The following MARCHF1 variants were observed in gnomAD, a reference collection of about 807,000 sequenced individuals.
The protein encoded by MARCHF1 is E3 ubiquitin-protein ligase MARCHF1.
Under a neutral mutation model 54.2 loss-of-function variants are expected in MARCHF1, and 40 were observed. The observed-to-expected ratio is 0.74, with a 90% CI of 0.57 to 0.96. The LOEUF (loss-of-function observed/expected upper bound fraction) is 0.96, where lower values mean the gene tolerates loss of function less well. Ranked by LOEUF, MARCHF1 falls within the 40% of genes least tolerant of loss-of-function variation. The pLI, the probability that MARCHF1 is intolerant of heterozygous loss-of-function variation, is 0.00. For synonymous variants in MARCHF1, 236 were observed against 236.3 expected (o/e 1.00, Z 0.01); for missense variants, 586 against 656.5 (o/e 0.89, Z 1.17).
At chr4:163,720,551 C>T (rs1490193225) in intron 4 of MARCHF1, among the ~76,000 whole-genome samples, 1 of 152,064 alleles carries the variant, frequency 6.6e-6, no homozygotes, top group Non-Finnish European at 1.5e-5. Context: ...GTAGTTTTTT[C>T]CAATTCTGTG....
At chr4:163,787,380 T>TAAAAAAAAAAACCGATTAA (rs535768043) in intron 4 of MARCHF1, among the ~76,000 whole-genome samples, 1 of 144,998 alleles carries the variant, frequency 6.9e-6, no homozygotes, top group Non-Finnish European at 1.5e-5. Context: ...AACTCAACAA[T>TAAAAAAAAAAACCGATTAA]AAAAAAAAAA....
chr4:163,757,138 T>G (rs1228657762), intron 4 of MARCHF1, among the ~76,000 whole-genome samples: 1 of 152,228 alleles, frequency 6.6e-6, no homozygotes, highest in Non-Finnish European at 1.5e-5. Context: ...CAAAGTTTAG[T>G]CCCTGGGGAG....
intron 4 of MARCHF1, among the ~76,000 whole-genome samples, chr4:163,754,583 G>C (rs1284646757): frequency 6.6e-6 from 1 of 152,158 alleles, no homozygotes; most frequent in Admixed American, 6.5e-5. Context: ...TTGCATTCTA[G>C]AGATTTGTTG....
chr4:164,374,257 A>C (rs1324034506), intron 1 of MARCHF1, among the ~76,000 whole-genome samples: 3 of 152,058 alleles, frequency 2.0e-5, no homozygotes, highest in Non-Finnish European at 4.4e-5. Context: ...CATTTTTTTA[A>C]GTTTTGCTTT....
At chr4:164,065,894 G>C (rs1754717521) in intron 2 of MARCHF1, among the ~76,000 whole-genome samples, 1 of 152,210 alleles carries the variant, frequency 6.6e-6, no homozygotes, top group Non-Finnish European at 1.5e-5. Context: ...AGAAGATTCA[G>C]CAAGCCAGCT....
intron 4 of MARCHF1, among the ~76,000 whole-genome samples, chr4:163,813,412 C>A (rs1001821340): frequency 1.3e-5 from 2 of 152,142 alleles, no homozygotes; most frequent in African/African-American, 4.8e-5. Context: ...ACTCATGACA[C>A]TCTCCTTCCA....
chr4:164,010,561 A>T (rs1753399811), intron 2 of MARCHF1, among the ~76,000 whole-genome samples: 1 of 152,160 alleles, frequency 6.6e-6, no homozygotes, highest in Admixed American at 6.5e-5. Context: ...AAATAAACTT[A>T]AAGAAATGAA....
In MARCHF1 at chr4:164,146,595, G is replaced by A. The variant is rs941132704; in HGVS notation, c.-322-34933C>T. ...GGAAAGGATTCCCTATTTAATAAAT[G>A]GTACTGGGAAAACTGGCTAGCCATA... On this transcript the variant is annotated intron_variant, in intron 1 of 9. Coordinates refer to ENST00000514618, the MANE Select transcript of MARCHF1 (RefSeq NM_001394959.1). Among the ~76,000 whole-genome samples, 763 of 152,058 alleles carry A rather than the reference G, an allele frequency of 5.0e-3. 9 individuals are homozygous for A. Among genetic ancestry groups the A allele is most frequent in the African/African-American group, 0.018 (734 of 41,462 alleles).
chr4:163,668,043 C>T (rs1481198054), intron 5 of MARCHF1, among the ~76,000 whole-genome samples: 1 of 152,174 alleles, frequency 6.6e-6, no homozygotes, highest in Non-Finnish European at 1.5e-5. Flanking sequence ...AATCTGCCAG[C>T]TATTTCTCAT....
Position 163,527,671 on chromosome 4 carries a change from G to GAAAT in MARCHF1, c.*1073_*1076dup, listed in dbSNP as rs1738170432. 1 of 151,946 alleles carries GAAAT rather than the reference G, an allele frequency of 6.6e-6. No individual in the cohort carries two copies. Among genetic ancestry groups the GAAAT allele is most frequent in the Admixed American group, 6.6e-5 (1 of 15,250 alleles). The allele number at this position is 151,946 out of a possible 1,614,324, so 9.4% of individuals were successfully genotyped here. A position where few individuals can be genotyped will look rare whatever the true frequency, so the allele number is the denominator to read the frequency against. ...ATAAAAGAATGAATTAAACTGTTTTGAAATACTCAACAACTGTTAAATAAA... is the reference window on the plus strand; with the variant it reads ...ATAAAAGAATGAATTAAACTGTTTTGAAATAAATACTCAACAACTGTTAAATAAA... On this transcript the variant is annotated 3_prime_UTR_variant, in exon 10 of 10. Transcript: ENST00000514618.
rs189337814 is a variant in MARCHF1, at chr4:163,536,050, T to C, written c.1340-7004A>G. On this transcript the variant is annotated intron_variant, in intron 9 of 9. Transcript: ENST00000514618. ...CCATAGTGCTGAGGTTGAGAATCCC[T>C]GCTGTGGAAGACAATAACTTACGTC... 1.2e-4 allele frequency among the ~76,000 whole-genome samples: 18 copies of C among 152,292 alleles called. No individual in the cohort carries two copies. In the East Asian group the frequency reaches 1.7e-3, roughly 15 times the overall value.
At chr4:163,928,345 T>C (rs1751583169) in intron 3 of MARCHF1, among the ~76,000 whole-genome samples, 1 of 151,838 alleles carries the variant, frequency 6.6e-6, no homozygotes, top group Admixed American at 6.6e-5. Context: ...AAAACAAAAA[T>C]GTAAGATAAA....
intron 1 of MARCHF1, among the ~76,000 whole-genome samples, chr4:164,137,172 A>G (rs557628371): frequency 2.0e-5 from 3 of 152,240 alleles, no homozygotes; most frequent in African/African-American, 7.2e-5. Context: ...AGCTCTTATT[A>G]TTTGCCTAAT....
chr4:164,033,364 G>C (rs930203462), intron 2 of MARCHF1, among the ~76,000 whole-genome samples: 2 of 151,926 alleles, frequency 1.3e-5, no homozygotes, highest in South Asian at 2.1e-4. Flanking sequence ...CATAGGCATG[G>C]GCAAAGCTTT....
intron 1 of MARCHF1, among the ~76,000 whole-genome samples, chr4:164,238,120 A>C (rs1033358597): frequency 6.6e-5 from 10 of 152,098 alleles, no homozygotes; most frequent in African/African-American, 2.4e-4. Flanking sequence ...GATTTATTTT[A>C]AATTATGTAA....
At chr4:164,033,190 A>C (rs1172349155) in intron 2 of MARCHF1, among the ~76,000 whole-genome samples, 1 of 151,990 alleles carries the variant, frequency 6.6e-6, no homozygotes, top group South Asian at 2.1e-4. Context: ...AAAAAAAAAA[A>C]AGAAAAGGTG....
chr4:164,170,625 T>C (rs1398529787), intron 1 of MARCHF1, among the ~76,000 whole-genome samples: 1 of 152,140 alleles, frequency 6.6e-6, no homozygotes, highest in South Asian at 2.1e-4. Context: ...GGTTGCCCAA[T>C]AAATTCTTGA....
At chr4:163,538,379 T>C (rs1470514094) in intron 9 of MARCHF1, among the ~76,000 whole-genome samples, 2 of 152,118 alleles carry the variant, frequency 1.3e-5, no homozygotes, top group Non-Finnish European at 2.9e-5. Flanking sequence ...CCTAATCCTG[T>C]ACTCTATTGG....
At chr4:163,811,848 T>G (rs1049000056) in intron 4 of MARCHF1, among the ~76,000 whole-genome samples, 2 of 152,156 alleles carry the variant, frequency 1.3e-5, no homozygotes, top group Non-Finnish European at 2.9e-5. Context: ...ATGTGTCCAC[T>G]TGACTGGGCC....
Sources: gnomAD v4.1 joint callset for allele counts (sites outside exome capture counted in the v4.1 genomes callset) on GRCh38, gnomAD v4.1.1 for gene constraint, MANE v1.5 for transcripts, NCBI Gene and HGNC (gene_info 2026-07-23, HGNC 2026-07-21) for gene names.